Variants in B3GALT9 observed in about 807,000 individuals in gnomAD.
B3GALT9 encodes beta-1,3-galactosyltransferase 9, also known as UDP-GlcNAc:betaGal beta-1,3-N-acetylglucosaminyltransferase 10 (putative).
intron 2 of B3GALT9, among the ~76,000 whole-genome samples, chr9:120,797,501 G>A (rs541520153): frequency 4.7e-5 from 7 of 148,480 alleles, no homozygotes; most frequent in East Asian, 4.0e-4. Context: ...GCGAGACTCC[G>A]TCTCAAAAAA....
At position 120,800,116 on chromosome 9, in the gene B3GALT9, AT is replaced by A. The variant is rs34598368; in HGVS notation, c.*455del. ...AGGCATGTGCCACCATACCCGGCTAATTTTTTTTTTTTTTTTTCGGAGACAG... is the reference window on the plus strand; with the variant it reads ...AGGCATGTGCCACCATACCCGGCTAATTTTTTTTTTTTTTTTCGGAGACAG... On this transcript the variant is annotated 3_prime_UTR_variant, in exon 3 of 3. Coordinates refer to ENST00000689072, the MANE Select transcript of B3GALT9 (RefSeq NM_001386823.1). 0.032 allele frequency among the ~76,000 whole-genome samples: 3,949 copies of A among 122,788 alleles called. 60 individuals are homozygous for A. Among genetic ancestry groups the A allele is most frequent in the African/African-American group, 0.04 (1,279 of 32,094 alleles). The allele number at this position is 122,788 out of a possible 152,430, so 80.6% of individuals were successfully genotyped here.
intron 1 of B3GALT9, among the ~76,000 whole-genome samples, chr9:120,794,672 G>C (rs962630312): frequency 4.6e-5 from 7 of 152,136 alleles, no homozygotes; most frequent in Non-Finnish European, 8.8e-5. Flanking sequence ...ACAATGCCCA[G>C]CGCACAAGTT....
rs559961654 is a variant in B3GALT9, at chr9:120,793,644, G to A, written c.-460G>A. ...CCGTACATCCAGGTTTGCACAGCGC[G>A]CTTATGTCCCTCCTCCAATCTGATC... is the stretch of plus-strand genomic sequence containing the variant. On this transcript the variant is annotated 5_prime_UTR_variant, in exon 1 of 3. Transcript: ENST00000689072. The A allele has an allele frequency of 5.0e-6, 2 of 398,786 alleles. No individual in the cohort carries two copies. Among genetic ancestry groups the A allele is most frequent in the South Asian group, 1.3e-4 (1 of 7,914 alleles). 24.7% of individuals were successfully genotyped at this position (398,786 alleles called of 1,614,324 possible).
Position 120,798,885 on chromosome 9 carries a change from C to T in B3GALT9, c.317C>T (p.Thr106Ile), listed in dbSNP as rs1198927549. 1 of 399,022 alleles carries T rather than the reference C, an allele frequency of 2.5e-6. No homozygotes were observed. The highest frequency in any genetic ancestry group is 2.1e-5 in the African/African-American group (1 of 48,622). 24.7% of individuals were successfully genotyped at this position (399,022 alleles called of 1,614,324 possible). ...NGTRRDLIRK[T>I]WGNVTSVQGH... ...ACAAGACGGGACCTCATTAGGAAAA[C>T]TTGGGGCAATGTGACCAGTGTCCAA... The change falls in exon 3 of 3, where the codon ACT (threonine) becomes ATT (isoleucine). Residue 106 changes from threonine to isoleucine, a missense_variant. Physicochemically the swap from Thr to Ile is moderately conservative, Grantham distance 89. Transcript: ENST00000689072.
intron 2 of B3GALT9, 31 bp from the exon 3 acceptor site, chr9:120,798,544 C>G: frequency 2.5e-6 from 1 of 399,556 alleles, no homozygotes; most frequent in Non-Finnish European, 4.4e-6. Flanking sequence ...GAGGTGAAGC[C>G]TGAATGAACA....
Position 120,799,633 on chromosome 9 carries a change from T to C in B3GALT9, c.1065T>C (p.Phe355=). ...CGTACCTTGACAGCTTTAAACGTTT[T>C]CACATGGGGACCATAAAAAACAATC... The part of the protein sequence containing the change: ...LLTYLDSFKR[F]HMGTIKNNLM... Residue 355 remains phenylalanine, a synonymous_variant, in exon 3 of 3, where the codon TTT becomes TTC. Transcript: ENST00000689072. 1 of 399,482 alleles carries C rather than the reference T, an allele frequency of 2.5e-6. No homozygotes were observed. Among genetic ancestry groups the C allele is most frequent in the Non-Finnish European group, 4.4e-6 (1 of 226,168 alleles). The allele number at this position is 399,482 out of a possible 1,614,324, so 24.7% of individuals were successfully genotyped here. A position where few individuals can be genotyped will look rare whatever the true frequency, so the allele number is the denominator to read the frequency against.
rs932477831 is a variant in B3GALT9 at position 120,793,485 on chromosome 9, C to T, written c.-619C>T. On this transcript the variant is annotated 5_prime_UTR_variant, in exon 1 of 3. Coordinates refer to ENST00000689072, the MANE Select transcript of B3GALT9 (RefSeq NM_001386823.1). ...AGCGGCTGCACTTCCGGTCCCCGCC[C>T]GGAGGTGGGTGGTGGGAGGCTGGAG... is the stretch of plus-strand genomic sequence containing the variant. 1 of 398,946 alleles carries T rather than the reference C, an allele frequency of 2.5e-6. No homozygotes were observed. The highest frequency in any genetic ancestry group is 4.4e-6 in the Non-Finnish European group (1 of 226,624). The allele number at this position is 398,946 out of a possible 1,614,324, so 24.7% of individuals were successfully genotyped here.
intron 1 of B3GALT9, among the ~76,000 whole-genome samples, chr9:120,795,488 C>T (rs1473065735): frequency 2.0e-5 from 3 of 152,170 alleles, no homozygotes; most frequent in Non-Finnish European, 4.4e-5. Context: ...TAATTAAATA[C>T]AAGACCTATT....
chr9:120,797,292 G>C (rs2044946104), intron 2 of B3GALT9, among the ~76,000 whole-genome samples: 1 of 152,086 alleles, frequency 6.6e-6, no homozygotes, highest in African/African-American at 2.4e-5. Flanking sequence ...GATCACCTGA[G>C]ATCAGGAGTT....
At position 120,800,111 on chromosome 9, in the gene B3GALT9, G is replaced by A. The variant is rs140594157; in HGVS notation, c.*433G>A. 0.011 allele frequency among the ~76,000 whole-genome samples: 1,597 copies of A among 147,200 alleles called. 20 individuals carry two copies. Among genetic ancestry groups the A allele is most frequent in the African/African-American group, 0.038 (1,513 of 39,992 alleles). On this transcript the variant is annotated 3_prime_UTR_variant, in exon 3 of 3. Transcript: ENST00000689072. Reference sequence around the variant, plus strand: ...ACTATAGGCATGTGCCACCATACCCGGCTAATTTTTTTTTTTTTTTTTCGG... The same window carrying A: ...ACTATAGGCATGTGCCACCATACCCAGCTAATTTTTTTTTTTTTTTTTCGG...
intron 2 of B3GALT9, among the ~76,000 whole-genome samples, chr9:120,797,509 A>G (rs2044947735): frequency 6.6e-6 from 1 of 152,012 alleles, no homozygotes; most frequent in Admixed American, 6.5e-5. Flanking sequence ...CCGTCTCAAA[A>G]AAAAAAAAAA....
At position 120,800,718 on chromosome 9, in the gene B3GALT9, T is replaced by C. The variant is rs568411001; in HGVS notation, c.*1040T>C. On this transcript the variant is annotated 3_prime_UTR_variant, in exon 3 of 3. Coordinates refer to ENST00000689072, the MANE Select transcript of B3GALT9 (RefSeq NM_001386823.1). ...CACATGCATCACCTGACATACTTTT[T>C]TGTAGTGAGAACACTTAAAATCTAC... Among the ~76,000 whole-genome samples the C allele has an allele frequency of 2.6e-5, 4 of 152,368 alleles. No individual in the cohort carries two copies. Among genetic ancestry groups the C allele is most frequent in the Middle Eastern group, 6.8e-3 (2 of 294 alleles).
intron 1 of B3GALT9, among the ~76,000 whole-genome samples, chr9:120,794,668 C>T (rs760957265): frequency 8.5e-5 from 13 of 152,116 alleles, no homozygotes; most frequent in Non-Finnish European, 1.8e-4. Context: ...AACCACAATG[C>T]CCAGCGCACA....
chr9:120,798,834 T>C lies in B3GALT9; in HGVS notation c.266T>C (p.Leu89Pro), dbSNP rs2044954217. The change falls in exon 3 of 3, where the codon CTT becomes CCT. Residue 89 changes from leucine to proline, a missense_variant. By Grantham distance (98) the Leu-to-Pro change is moderately conservative. Transcript: ENST00000689072. ...CKGKNIFLLS[L>P]IFSSPGNGTR... Reference sequence around the variant, plus strand: ...GGGAAGAACATTTTTTTGCTGTCTCTTATCTTCAGTAGCCCAGGAAATGGA... The same window carrying C: ...GGGAAGAACATTTTTTTGCTGTCTCCTATCTTCAGTAGCCCAGGAAATGGA... 7.5e-6 allele frequency: 3 copies of C among 399,132 alleles called. No individual in the cohort carries two copies. The highest frequency in any genetic ancestry group is 4.4e-5 in the Admixed American group (1 of 22,712). The allele number at this position is 399,132 out of a possible 1,614,324, so 24.7% of individuals were successfully genotyped here. A position where few individuals can be genotyped will look rare whatever the true frequency, so the allele number is the denominator to read the frequency against.
chr9:120,795,137 A>G (rs939470307), intron 1 of B3GALT9, among the ~76,000 whole-genome samples: 2 of 152,240 alleles, frequency 1.3e-5, no homozygotes, highest in African/African-American at 4.8e-5. Flanking sequence ...AAGCAACAGG[A>G]TGTCACTCTA....
chr9:120,797,023 G>T (rs1388498364), intron 2 of B3GALT9, among the ~76,000 whole-genome samples: 2 of 139,508 alleles, frequency 1.4e-5, no homozygotes, highest in Non-Finnish European at 3.1e-5. Flanking sequence ...TGCCACTGCA[G>T]TCCAGCCTGC....
At chr9:120,795,872 A>G (rs1356188292) in intron 1 of B3GALT9, among the ~76,000 whole-genome samples, 1 of 152,236 alleles carries the variant, frequency 6.6e-6, no homozygotes, top group Non-Finnish European at 1.5e-5. Flanking sequence ...AGGAAAGGAG[A>G]AAACATCAAA....
At position 120,801,232 on chromosome 9, in the gene B3GALT9, G is replaced by A. The variant is rs10985044; in HGVS notation, c.*1554G>A. Among the ~76,000 whole-genome samples the A allele has an allele frequency of 0.12, 18,381 of 152,102 alleles. 1,270 individuals carry two copies. The highest frequency in any genetic ancestry group is 0.17 in the Middle Eastern group (50 of 292). On this transcript the variant is annotated 3_prime_UTR_variant, in exon 3 of 3. Coordinates refer to ENST00000689072, the MANE Select transcript of B3GALT9 (RefSeq NM_001386823.1). ...ATCTTTTGGATATATTTCCAGTAGC[G>A]GAATTGCTAGATTGTGTGGCAGTTC...
intron 2 of B3GALT9, among the ~76,000 whole-genome samples, chr9:120,797,900 C>G (rs1248441446): frequency 6.6e-6 from 1 of 152,150 alleles, no homozygotes; most frequent in Non-Finnish European, 1.5e-5. Flanking sequence ...TAAGCTTGGC[C>G]TAGGTCTATC....
Sources: allele counts gnomAD v4.1 joint callset (sites outside exome capture counted in the v4.1 genomes callset), GRCh38; gene constraint gnomAD v4.1.1; transcripts MANE v1.5; gene names NCBI Gene and HGNC (gene_info 2026-07-23, HGNC 2026-07-21).